The following ABCB5 variants were observed in gnomAD, a reference collection of about 807,000 sequenced individuals.
ABCB5 encodes the protein ATP-binding cassette sub-family B member 5.
A neutral mutation model predicts 144.2 loss-of-function variants in ABCB5; 155 were observed. The observed-to-expected ratio is 1.08, with a 90% CI of 0.94 to 1.23. The LOEUF (loss-of-function observed/expected upper bound fraction) is 1.23, where lower values mean the gene tolerates loss of function less well. ABCB5 is among the 50% of genes most tolerant of loss of function. The pLI is 0.00. For synonymous variants in ABCB5, 610 were observed against 528.6 expected (o/e 1.15, Z -2.11); for missense variants, 1,830 against 1,520.8 (o/e 1.20, Z -3.38).
intron 23 of ABCB5, among the ~76,000 whole-genome samples, chr7:20,729,275 T>C (rs1005055479): frequency 2.6e-5 from 4 of 152,192 alleles, no homozygotes; most frequent in African/African-American, 9.6e-5. Flanking sequence ...CATGGGAATG[T>C]GGGGGCAAAA....
intron 2 of ABCB5, among the ~76,000 whole-genome samples, chr7:20,624,959 T>G (rs867210965): frequency 6.6e-6 from 1 of 152,230 alleles, no homozygotes; most frequent in African/African-American, 2.4e-5. Context: ...TGCTTTCTTA[T>G]GTCAACGCTG....
Position 20,690,762 on chromosome 7 carries a change from G to A in ABCB5, c.2010+4926G>A, listed in dbSNP as rs143143311. On this transcript the variant is annotated intron_variant, in intron 16 of 27. Transcript: ENST00000404938. ...TCAGGACCCTGCACCATTTAGATTC[G>A]GATAGAAAAAGTCACTAGTGAAGGG... Among the ~76,000 whole-genome samples the A allele has an allele frequency of 3.3e-5, 5 of 152,162 alleles. No homozygotes were observed. In the East Asian group the frequency reaches 7.7e-4, roughly 24 times the overall value.
intron 3 of ABCB5, among the ~76,000 whole-genome samples, chr7:20,627,104 C>G (rs1229830332): frequency 6.6e-6 from 1 of 152,114 alleles, no homozygotes; most frequent in Admixed American, 6.6e-5. Flanking sequence ...CTGTACACTT[C>G]TTTGAAATCA....
intron 14 of ABCB5, among the ~76,000 whole-genome samples, chr7:20,674,740 T>C (rs76435571): frequency 0.075 from 10,101 of 133,800 alleles, 450 homozygotes; most frequent in Non-Finnish European, 0.1. Context: ...ATTTGAAAAC[T>C]CTAAAGACTA....
intron 1 of ABCB5, among the ~76,000 whole-genome samples, chr7:20,618,759 A>ATTTT (rs1387081530): frequency 6.6e-5 from 3 of 45,280 alleles, no homozygotes; most frequent in African/African-American, 2.2e-4. Context: ...TATGTGCTGC[A>ATTTT]TTTTCTTTTT....
chr7:20,624,007 A>G (rs78057207), intron 2 of ABCB5, among the ~76,000 whole-genome samples: 17,025 of 152,208 alleles, frequency 0.11, 1,231 homozygotes, highest in Non-Finnish European at 0.15. Flanking sequence ...AGCAAATTCC[A>G]TTTAGGAACA....
chr7:20,622,132 G>A (rs1222596655), intron 1 of ABCB5, among the ~76,000 whole-genome samples: 1 of 152,100 alleles, frequency 6.6e-6, no homozygotes, highest in Non-Finnish European at 1.5e-5. Flanking sequence ...ACGCATACAT[G>A]ATTTTGGTTT....
chr7:20,753,051 G>T (rs1782980943), intron 26 of ABCB5, among the ~76,000 whole-genome samples: 2 of 152,154 alleles, frequency 1.3e-5, no homozygotes, highest in Admixed American at 6.5e-5. Context: ...AAAAGGATTT[G>T]TGTTTACTGT....
intron 5 of ABCB5, chr7:20,641,790 T>C (rs1197391389): frequency 1.3e-5 from 2 of 152,366 alleles, no homozygotes; most frequent in Admixed American, 6.5e-5. Context: ...ATTCTCATAA[T>C]CTAGAGGACT....
chr7:20,681,276 G>A (rs772662790), intron 14 of ABCB5, among the ~76,000 whole-genome samples: 7 of 151,680 alleles, frequency 4.6e-5, no homozygotes, highest in South Asian at 2.1e-4. Flanking sequence ...CCAGGTGCCC[G>A]CAACCAAGCC....
At chr7:20,740,627 T>A in intron 24 of ABCB5, among the ~76,000 whole-genome samples, 1 of 152,202 alleles carries the variant, frequency 6.6e-6, no homozygotes, top group Non-Finnish European at 1.5e-5. Context: ...ACAGTATTGC[T>A]ACTCCTATTT....
intron 15 of ABCB5, among the ~76,000 whole-genome samples, chr7:20,682,694 C>A (rs1785868761): frequency 6.6e-6 from 1 of 152,150 alleles, no homozygotes; most frequent in South Asian, 2.1e-4. Context: ...GCCTGGCACA[C>A]AGTGGGCACT....
At position 20,739,100 on chromosome 7, in the gene ABCB5, AC is replaced by A; in HGVS notation, c.2987del (p.Pro996GlnfsTer3). ...AHLFALLEKK[P>X]NIDSRSQEGK... ...ATCTGTTTGCCTTGTTGGAAAAGAA[AC>A]CAAATATAGACAGCCGCAGTCAAGA... On this transcript the variant is annotated frameshift_variant, in exon 24 of 28. Transcript: ENST00000404938. LOFTEE classifies it high-confidence loss of function. 1 of 1,609,726 alleles carries A rather than the reference AC, an allele frequency of 6.2e-7. No individual in the cohort carries two copies.
At position 20,710,387 on chromosome 7, in the gene ABCB5, G is replaced by GC. The variant is rs1457323851; in HGVS notation, c.2421+5580_2421+5581insC. ...CACCTCAAAAAAAAAAAAAAGTGGG[G>GC]GGGGGGCATGACTGTGTTTCAATAA... is the stretch of plus-strand genomic sequence containing the variant. On this transcript the variant is annotated intron_variant, in intron 20 of 27. Transcript: ENST00000404938. 2.9e-4 allele frequency among the ~76,000 whole-genome samples: 35 copies of GC among 119,588 alleles called. 2 individuals carry two copies. In the South Asian group the frequency reaches 0.012, roughly 41 times the overall value. 78.5% of individuals were successfully genotyped at this position (119,588 alleles called of 152,430 possible). A position where few individuals can be genotyped will look rare whatever the true frequency, so the allele number is the denominator to read the frequency against.
intron 13 of ABCB5, among the ~76,000 whole-genome samples, chr7:20,655,485 C>T (rs1784756290): frequency 6.6e-6 from 1 of 151,778 alleles, no homozygotes; most frequent in Admixed American, 6.6e-5. Flanking sequence ...CGCACCTCCC[C>T]CCAGCCCCCC....
chr7:20,668,564 G>C (rs1282006942), intron 14 of ABCB5, among the ~76,000 whole-genome samples: 2 of 151,396 alleles, frequency 1.3e-5, no homozygotes, highest in Non-Finnish European at 2.9e-5. Flanking sequence ...GTCTCCGCCC[G>C]GCAGCCACCC....
chr7:20,716,306 G>A (rs887683507), intron 20 of ABCB5, among the ~76,000 whole-genome samples: 3 of 152,082 alleles, frequency 2.0e-5, no homozygotes, highest in Admixed American at 1.3e-4. Flanking sequence ...TTGATGACAA[G>A]TAATTCTTGA....
At chr7:20,735,925 A>G (rs974165878) in intron 23 of ABCB5, among the ~76,000 whole-genome samples, 3 of 152,236 alleles carry the variant, frequency 2.0e-5, no homozygotes, top group Admixed American at 6.5e-5. Flanking sequence ...GGTATCTTGT[A>G]TATGAAAACA....
In ABCB5 at chr7:20,681,000, T is replaced by TTC. The variant is rs1400029033; in HGVS notation, c.1708-503_1708-502dup. On this transcript the variant is annotated intron_variant, in intron 14 of 27. Transcript: ENST00000404938. ...TTTCTTTCTTTCTTTCTTTCTTTCT[T>TTC]TCTTTCTTTCTTTCTTTCTTTCTTT... Among the ~76,000 whole-genome samples, 7 of 7,062 alleles carry TTC rather than the reference T, an allele frequency of 9.9e-4. 1 individual carries two copies. Among genetic ancestry groups the TTC allele is most frequent in the African/African-American group, 4.3e-3 (5 of 1,166 alleles). 4.6% of individuals were successfully genotyped at this position (7,062 alleles called of 152,430 possible). A position where few individuals can be genotyped will look rare whatever the true frequency, so the allele number is the denominator to read the frequency against.
Sources: gnomAD v4.1 joint callset for allele counts (sites outside exome capture counted in the v4.1 genomes callset) on GRCh38, gnomAD v4.1.1 for gene constraint, MANE v1.5 for transcripts, NCBI Gene and HGNC (gene_info 2026-07-23, HGNC 2026-07-21) for gene names.